CTNNA2: variants seen among roughly 807,000 people sequenced by gnomAD.
CTNNA2 encodes catenin alpha 2, also known as catenin alpha-2.
A neutral mutation model predicts 101.0 loss-of-function variants in CTNNA2; 42 were observed. That is an observed-to-expected ratio of 0.42 (90% CI 0.32 to 0.54). CTNNA2 has a LOEUF of 0.54. Among genes scored for constraint, CTNNA2 ranks in the 20% least tolerant of loss-of-function variants. The pLI is 0.14. For missense variants in CTNNA2, 871 were observed against 1,223.1 expected (o/e 0.71, Z 4.29); for synonymous variants, 450 against 456.4 (o/e 0.99, Z 0.18).
chr2:80,496,287 C>T (rs1361189503), intron 9 of CTNNA2, among the ~76,000 whole-genome samples: 1 of 152,056 alleles, frequency 6.6e-6, no homozygotes, highest in East Asian at 1.9e-4. Flanking sequence ...CTTCTATGGG[C>T]TGGCTCTGTG....
At chr2:80,385,236 T>G (rs956091653) in intron 7 of CTNNA2, among the ~76,000 whole-genome samples, 4 of 152,204 alleles carry the variant, frequency 2.6e-5, no homozygotes, top group African/African-American at 9.6e-5. Context: ...GATTATGTCA[T>G]GAAAGTGGAG....
At chr2:79,635,203 G>A (rs1475647577) in intron 1 of CTNNA2, among the ~76,000 whole-genome samples, 1 of 152,098 alleles carries the variant, frequency 6.6e-6, no homozygotes, top group Non-Finnish European at 1.5e-5. Flanking sequence ...TTTATTGTAG[G>A]AGGTAAGAGA....
At chr2:79,417,355 A>C (rs1313435323) in intron 4 of CTNNA2, among the ~76,000 whole-genome samples, 1 of 152,188 alleles carries the variant, frequency 6.6e-6, no homozygotes, top group Non-Finnish European at 1.5e-5. Flanking sequence ...AAGATTACAA[A>C]TATGGGTGTA....
chr2:79,301,073 T>G (rs1676097413), intron 2 of CTNNA2, among the ~76,000 whole-genome samples: 1 of 152,218 alleles, frequency 6.6e-6, no homozygotes, highest in Non-Finnish European at 1.5e-5. Flanking sequence ...AATTTGGACT[T>G]AGCTGACACA....
intron 7 of CTNNA2, among the ~76,000 whole-genome samples, chr2:79,936,204 G>T (rs534493160): frequency 3.7e-4 from 56 of 150,274 alleles, no homozygotes; most frequent in African/African-American, 1.3e-3. Context: ...CGTTTCCTCA[G>T]TATTTCTGAG....
chr2:79,569,962 A>G (rs1675359416), intron 1 of CTNNA2, among the ~76,000 whole-genome samples: 1 of 152,212 alleles, frequency 6.6e-6, no homozygotes, highest in African/African-American at 2.4e-5. Flanking sequence ...GAATGCAGTA[A>G]ATAGAAATCA....
In CTNNA2 at chr2:79,721,667, T is replaced by C. The variant is rs73938790; in HGVS notation, c.103-22720T>C. On this transcript the variant is annotated intron_variant, in intron 2 of 18. Transcript: ENST00000402739. Reference sequence around the variant, plus strand: ...TATCCCTGAATATCATCTAATAAAATCACTTTCTTTGTAATTGGTACTAAA... The same window carrying C: ...TATCCCTGAATATCATCTAATAAAACCACTTTCTTTGTAATTGGTACTAAA... Among the ~76,000 whole-genome samples, 1,435 of 152,312 alleles carry C rather than the reference T, an allele frequency of 9.4e-3. 28 individuals are homozygous for C. The highest frequency in any genetic ancestry group is 0.032 in the African/African-American group (1,339 of 41,570).
At chr2:79,379,178 A>G (rs1678012492) in intron 4 of CTNNA2, among the ~76,000 whole-genome samples, 1 of 152,220 alleles carries the variant, frequency 6.6e-6, no homozygotes, top group Admixed American at 6.5e-5. Context: ...CTGCACATGA[A>G]TATATTCCGT....
At chr2:80,494,783 A>G (rs1687324630) in intron 9 of CTNNA2, among the ~76,000 whole-genome samples, 1 of 152,218 alleles carries the variant, frequency 6.6e-6, no homozygotes, top group South Asian at 2.1e-4. Context: ...AAAAGTAAGT[A>G]TGTGTTAAAA....
chr2:80,514,518 G>A lies in CTNNA2; in HGVS notation c.1291-30464G>A, dbSNP rs998281530. ...TCGGTAAGTCCCAAGCTCTTGTCTG[G>A]TGTCCAAGAAGAATGAGGTCACATG... On this transcript the variant is annotated intron_variant, in intron 9 of 18. Transcript: ENST00000402739. Among the ~76,000 whole-genome samples the A allele has an allele frequency of 3.9e-5, 6 of 152,130 alleles. No homozygotes were observed. The East Asian group carries it at 9.7e-4, about 25-fold the overall frequency.
intron 7 of CTNNA2, among the ~76,000 whole-genome samples, chr2:80,047,602 A>T (rs375285221): frequency 2.8e-3 from 424 of 152,290 alleles, no homozygotes; most frequent in Non-Finnish European, 4.7e-3. Flanking sequence ...ACATGGGCTC[A>T]GTGTCTGCCC....
At chr2:80,497,763 G>A in intron 9 of CTNNA2, among the ~76,000 whole-genome samples, 1 of 152,294 alleles carries the variant, frequency 6.6e-6, no homozygotes, top group Admixed American at 6.5e-5. Flanking sequence ...AGGTCACAGG[G>A]GAAGGAACAG....
chr2:80,349,114 T>A (rs538513725), intron 7 of CTNNA2, among the ~76,000 whole-genome samples: 3 of 152,314 alleles, frequency 2.0e-5, no homozygotes, highest in South Asian at 4.1e-4. Flanking sequence ...TGTTAAATGA[T>A]AGCTTCCAGA....
At chr2:79,198,072 A>G (rs983549387) in exon 2 of CTNNA2, 8 of 152,182 alleles carry the variant, frequency 5.3e-5, no homozygotes, top group Non-Finnish European at 1.2e-4. Context: ...GCGCCCAGCC[A>G]TCAGGTACAT....
chr2:79,688,674 C>A (rs908845019), intron 2 of CTNNA2, among the ~76,000 whole-genome samples: 2 of 152,008 alleles, frequency 1.3e-5, no homozygotes, highest in African/African-American at 2.4e-5. Flanking sequence ...GAACAAGATT[C>A]TCTTCTGGAA....
At chr2:80,540,563 C>T (rs1016759399) in intron 9 of CTNNA2, among the ~76,000 whole-genome samples, 17 of 149,586 alleles carry the variant, frequency 1.1e-4, no homozygotes, top group African/African-American at 4.2e-4. Flanking sequence ...TGCTGCTGCA[C>T]TCCAGCCTGG....
At chr2:79,409,952 G>A (rs79807158) in intron 4 of CTNNA2, among the ~76,000 whole-genome samples, 1 of 143,366 alleles carries the variant, frequency 7.0e-6, no homozygotes, top group East Asian at 2.0e-4. Context: ...GTTCTTCCAT[G>A]TCTTTGTATC....
At chr2:79,817,684 G>A (rs957116166) in intron 3 of CTNNA2, among the ~76,000 whole-genome samples, 2 of 152,150 alleles carry the variant, frequency 1.3e-5, no homozygotes, top group South Asian at 2.1e-4. Context: ...AACCTAGATC[G>A]AGAACACGAG....
chr2:79,702,497 G>A (rs1034078200), intron 2 of CTNNA2, among the ~76,000 whole-genome samples: 2 of 152,144 alleles, frequency 1.3e-5, no homozygotes, highest in Admixed American at 6.5e-5. Context: ...GAGGATGAGA[G>A]GTTGCTATAG....
Sources: allele counts gnomAD v4.1 joint callset (sites outside exome capture counted in the v4.1 genomes callset), GRCh38; gene constraint gnomAD v4.1.1; transcripts MANE v1.5; gene names NCBI Gene and HGNC (gene_info 2026-07-23, HGNC 2026-07-21).